The following CSMD2 variants were observed in gnomAD, a reference collection of about 807,000 sequenced individuals.
CSMD2 encodes CUB and Sushi multiple domains 2, also known as CUB and sushi domain-containing protein 2.
A neutral mutation model predicts 398.5 loss-of-function variants in CSMD2; 130 were observed. The ratio of observed to expected loss-of-function variants is 0.33; its 90% confidence interval spans 0.28 to 0.38. CSMD2 has a LOEUF of 0.38. CSMD2 is among the 10% of genes least tolerant of loss of function. CSMD2 has a pLI of 1.00. For synonymous variants in CSMD2, 1,828 were observed against 1,908.5 expected (o/e 0.96, Z 1.10); for missense variants, 3,829 against 4,764.9 (o/e 0.80, Z 5.78).
intron 13 of CSMD2, among the ~76,000 whole-genome samples, chr1:33,754,874 G>A (rs1432939243): frequency 6.6e-6 from 1 of 152,056 alleles, no homozygotes; most frequent in Non-Finnish European, 1.5e-5. Context: ...GGTGTCTTTA[G>A]TATTTGAAAA....
intron 2 of CSMD2, among the ~76,000 whole-genome samples, chr1:34,072,694 A>G (rs1412367139): frequency 2.0e-5 from 3 of 152,110 alleles, no homozygotes; most frequent in Non-Finnish European, 4.4e-5. Context: ...CTTTGCCACA[A>G]ATATTGATTT....
Position 33,541,279 on chromosome 1 carries a change from G to A in CSMD2, c.9308C>T (p.Ala3103Val). The A allele has an allele frequency of 6.2e-7, 1 of 1,614,068 alleles. No individual in the cohort carries two copies. The highest frequency in any genetic ancestry group is 1.1e-5 in the South Asian group (1 of 91,078). Residue 3103 changes from alanine (A) to valine (V), a missense_variant, in exon 59 of 71, where the codon GCC becomes GTC. Physicochemically the swap from Ala to Val is moderately conservative, Grantham distance 64 (BLOSUM62 0). This residue lies in a region of CSMD2 where 917 missense variants were observed against 1,199.5 expected (regional missense o/e 0.76). Coordinates refer to ENST00000373381, the MANE Select transcript of CSMD2 (RefSeq NM_001281956.2). ...GTCATTGCCCAGCCGAAGGCCATTG[G>A]CTGGAATCCCAGGGTCACCACAGTT... ...VINCGDPGIP[A>V]NGLRLGNDFR... is the part of the protein sequence containing the mutation.
chr1:33,608,938 A>G (rs561515412), intron 41 of CSMD2, among the ~76,000 whole-genome samples: 1 of 152,332 alleles, frequency 6.6e-6, no homozygotes, highest in Admixed American at 6.5e-5. Context: ...AAGGCGTTGC[A>G]TCTGTCTCTG....
chr1:33,755,866 C>T (rs549004575), intron 13 of CSMD2, among the ~76,000 whole-genome samples: 9 of 152,026 alleles, frequency 5.9e-5, no homozygotes, highest in Middle Eastern at 3.4e-3. Context: ...GGGGGTCTCA[C>T]TATGTTGCTC....
At chr1:33,756,928 C>A (rs1011607423) in intron 13 of CSMD2, among the ~76,000 whole-genome samples, 3 of 152,204 alleles carry the variant, frequency 2.0e-5, no homozygotes, top group African/African-American at 7.2e-5. Flanking sequence ...CAATGATAGA[C>A]TGGATTAAGA....
chr1:33,683,668 T>C (rs1451025852), intron 25 of CSMD2, among the ~76,000 whole-genome samples: 2 of 152,218 alleles, frequency 1.3e-5, no homozygotes, highest in African/African-American at 4.8e-5. Context: ...TGTGTTTCTT[T>C]CTCTAGAGGT....
At chr1:33,981,999 T>A (rs1294468556) in intron 3 of CSMD2, among the ~76,000 whole-genome samples, 1 of 152,134 alleles carries the variant, frequency 6.6e-6, no homozygotes, top group Admixed American at 6.6e-5. Context: ...TCTGCTGATT[T>A]GTGCCGAGGG....
intron 9 of CSMD2, among the ~76,000 whole-genome samples, chr1:33,814,678 G>C (rs770610414): frequency 6.6e-6 from 1 of 152,104 alleles, no homozygotes; most frequent in Non-Finnish European, 1.5e-5. Context: ...CTGACACCCT[G>C]CTCTTCCTCC....
At chr1:34,133,497 G>C (rs1209581711) in intron 1 of CSMD2, among the ~76,000 whole-genome samples, 1 of 151,904 alleles carries the variant, frequency 6.6e-6, no homozygotes, top group Non-Finnish European at 1.5e-5. Context: ...CAGGCGTGGT[G>C]GTGGGTGCCA....
chr1:33,724,529 C>A lies in CSMD2; in HGVS notation c.2871G>T (p.Leu957=), dbSNP rs1646464038. 1 of 1,613,594 alleles carries A rather than the reference C, an allele frequency of 6.2e-7. No individual in the cohort carries two copies. Among genetic ancestry groups the A allele is most frequent in the African/African-American group, 1.3e-5 (1 of 74,910 alleles). Residue 957 remains leucine (L), a synonymous_variant, in exon 18 of 71, where the codon CTG becomes CTT. Transcript: ENST00000373381. ...CEPNFQWSRA[L]PSCEALCGGF... The stretch of plus-strand genomic sequence containing the variant: ...GGTGTCCCTCACCTTCACAACTGGG[C>A]AGGGCCCGGCTCCACTGGAAGTTGG...
intron 3 of CSMD2, among the ~76,000 whole-genome samples, chr1:33,958,000 G>A (rs1645227236): frequency 6.6e-6 from 1 of 152,038 alleles, no homozygotes; most frequent in Non-Finnish European, 1.5e-5. Flanking sequence ...CTAGGTGACT[G>A]CAGATGCCAC....
At chr1:33,575,137 A>G (rs71647939) in intron 49 of CSMD2, among the ~76,000 whole-genome samples, 24,750 of 152,184 alleles carry the variant, frequency 0.16, 2,075 homozygotes, top group South Asian at 0.26. Context: ...GGGTAGGAGG[A>G]GGAGGGGATA....
At chr1:33,883,134 C>G (rs921507640) in intron 5 of CSMD2, among the ~76,000 whole-genome samples, 5 of 152,184 alleles carry the variant, frequency 3.3e-5, no homozygotes, top group African/African-American at 9.7e-5. Context: ...CTGCAACTAC[C>G]CATTGGTTCA....
At chr1:34,056,377 TG>T (rs1467196161) in intron 2 of CSMD2, among the ~76,000 whole-genome samples, 1 of 152,210 alleles carries the variant, frequency 6.6e-6, no homozygotes, top group Non-Finnish European at 1.5e-5. Context: ...GCTTCATCTC[TG>T]GATCCCAATG....
At chr1:33,812,253 C>T (rs1207435968) in intron 9 of CSMD2, among the ~76,000 whole-genome samples, 1 of 152,170 alleles carries the variant, frequency 6.6e-6, no homozygotes, top group African/African-American at 2.4e-5. Flanking sequence ...GAAAAACATT[C>T]ACCATCAAGC....
chr1:33,813,059 C>A (rs1002182641), intron 9 of CSMD2: 1 of 152,218 alleles, frequency 6.6e-6, no homozygotes, highest in African/African-American at 2.4e-5. Flanking sequence ...AAAGCTCCAC[C>A]AGCACCATCT....
intron 1 of CSMD2, among the ~76,000 whole-genome samples, chr1:34,117,901 C>A (rs1661769169): frequency 6.6e-6 from 1 of 152,024 alleles, no homozygotes; most frequent in African/African-American, 2.4e-5. Flanking sequence ...AATTCAGCAC[C>A]CTTTCATGAT....
chr1:33,712,752 C>T (rs747049220), intron 21 of CSMD2, among the ~76,000 whole-genome samples: 2 of 152,282 alleles, frequency 1.3e-5, no homozygotes, highest in East Asian at 1.9e-4. Flanking sequence ...TTCCCAGAGA[C>T]TAAAGGAGCT....
intron 7 of CSMD2, among the ~76,000 whole-genome samples, chr1:33,822,021 C>T (rs1220524584): frequency 6.6e-6 from 1 of 152,128 alleles, no homozygotes; most frequent in Non-Finnish European, 1.5e-5. Context: ...TTTCAGAGAT[C>T]AGACTTTTAC....
Sources: gnomAD v4.1 joint callset for allele counts (sites outside exome capture counted in the v4.1 genomes callset) on GRCh38, gnomAD v4.1.1 for gene constraint, gnomAD v4.1.1 regional missense constraint, MANE v1.5 for transcripts, NCBI Gene and HGNC (gene_info 2026-07-23, HGNC 2026-07-21) for gene names.